SRGAP3: variants seen among roughly 807,000 people sequenced by gnomAD.
The protein encoded by SRGAP3 is SLIT-ROBO Rho GTPase activating protein 3, also known as SLIT-ROBO Rho GTPase-activating protein 3.
A neutral mutation model predicts 121.1 loss-of-function variants in SRGAP3; 39 were observed. The observed-to-expected ratio is 0.32, with a 90% CI of 0.25 to 0.42. The LOEUF (loss-of-function observed/expected upper bound fraction) is 0.42, where lower values mean the gene tolerates loss of function less well. SRGAP3 is among the 10% of genes least tolerant of loss of function. The probability of loss-of-function intolerance (pLI) is 1.00; values close to 1 mark genes in which losing one functional copy is unlikely to be tolerated. For synonymous variants in SRGAP3, 601 were observed against 570.0 expected, an observed-to-expected ratio of 1.05 and a Z score of -0.77; for missense variants, 1,213 against 1,470.6, an observed-to-expected ratio of 0.82 and a Z score of 2.86.
intron 2 of SRGAP3, among the ~76,000 whole-genome samples, chr3:9,112,277 C>T (rs754306343): frequency 2.0e-5 from 3 of 152,222 alleles, no homozygotes; most frequent in Non-Finnish European, 2.9e-5. Flanking sequence ...TCAGGCCTCA[C>T]ACTGGGCTTG....
intron 2 of SRGAP3, among the ~76,000 whole-genome samples, chr3:9,326,764 T>C (rs1955526954): frequency 2.0e-5 from 3 of 151,888 alleles, no homozygotes; most frequent in Non-Finnish European, 2.9e-5. Flanking sequence ...AGCTTGATTT[T>C]GAAAAATCTG....
At chr3:9,279,342 G>T (rs1559257077) in intron 3 of SRGAP3, among the ~76,000 whole-genome samples, 2 of 152,008 alleles carry the variant, frequency 1.3e-5, no homozygotes, top group Non-Finnish European at 2.9e-5. Flanking sequence ...GGGATAAACA[G>T]GTGTCCATGA....
rs534099067 is a variant in SRGAP3 at position 9,146,771 on chromosome 3, C to A, written c.68-21854G>T. On this transcript the variant is annotated intron_variant, in intron 1 of 21. Coordinates refer to ENST00000383836, the MANE Select transcript of SRGAP3 (RefSeq NM_014850.4). ...CCAGGTGCTAGAAGAGGAGCGGGAA[C>A]CCCACAAGGTACACCCTGCAGGGCG... Among the ~76,000 whole-genome samples the A allele has an allele frequency of 6.6e-5, 10 of 152,178 alleles. No homozygotes were observed. The South Asian group carries it at 2.1e-3, about 32-fold the overall frequency.
chr3:9,359,310 T>C (rs781781674), intron 1 of SRGAP3, among the ~76,000 whole-genome samples: 2 of 152,184 alleles, frequency 1.3e-5, no homozygotes, highest in Admixed American at 6.5e-5. Flanking sequence ...ACTATCTTTA[T>C]GTAGATAGGG....
At chr3:8,996,278 T>C (rs933777092) in intron 18 of SRGAP3, among the ~76,000 whole-genome samples, 2 of 99,350 alleles carry the variant, frequency 2.0e-5, no homozygotes, top group African/African-American at 4.5e-5. Context: ...GGGCCACGGA[T>C]GGCATGGAAA....
chr3:9,133,476 T>C (rs6778852), intron 1 of SRGAP3, among the ~76,000 whole-genome samples: 8,890 of 152,256 alleles, frequency 0.058, 864 homozygotes, highest in African/African-American at 0.2. Context: ...AGAGCAAGAC[T>C]CTATCTAAAA....
chr3:8,994,960 G>C (rs560965062), intron 18 of SRGAP3, among the ~76,000 whole-genome samples: 8 of 152,266 alleles, frequency 5.3e-5, no homozygotes, highest in African/African-American at 1.9e-4. Flanking sequence ...CATGTATGCA[G>C]ACTCTAATCT....
chr3:9,262,534 C>CAAAAAAAGAAAAAAAAAA (rs1954274739), intron 3 of SRGAP3, among the ~76,000 whole-genome samples: 1 of 25,582 alleles, frequency 3.9e-5, no homozygotes, highest in Non-Finnish European at 7.5e-5. Flanking sequence ...AAATGGAAAG[C>CAAAAAAAGAAAAAAAAAA]AAAAAAAAAA....
rs1416527949 is a variant in SRGAP3, at chr3:9,316,999, G to A, written n.442+9011C>T. 2.6e-5 allele frequency among the ~76,000 whole-genome samples: 4 copies of A among 152,280 alleles called. No individual in the cohort carries two copies. In the East Asian group the frequency reaches 7.7e-4, roughly 29 times the overall value. On this transcript the variant is annotated intron_variant and non_coding_transcript_variant, in intron 3 of 3. Transcript: ENST00000490889. ...AGAATTCAATTCTGTAGGCCACCGT[G>A]TACTTCTTCCTTTCTCCTGCCAAAT...
At chr3:9,253,160 C>A (rs1478160631), upstream of SRGAP3, among the ~76,000 whole-genome samples, 1 of 152,120 alleles carries the variant, frequency 6.6e-6, no homozygotes, top group Non-Finnish European at 1.5e-5. Context: ...AAGCAAGTTA[C>A]CCAAGATCAC....
chr3:9,220,341 A>T (rs13070230), intron 1 of SRGAP3, among the ~76,000 whole-genome samples: 1 of 143,976 alleles, frequency 6.9e-6, no homozygotes. Flanking sequence ...GCAATTTTTT[A>T]AAAAAGAATT....
At chr3:9,039,677 ACT>A (rs35788510) in intron 10 of SRGAP3, among the ~76,000 whole-genome samples, 25,005 of 151,752 alleles carry the variant, frequency 0.16, 2,247 homozygotes, top group Middle Eastern at 0.22. Flanking sequence ...ACCCTAATCT[ACT>A]CTCTGTCTCT....
chr3:9,288,455 CA>C (rs1436130471), intron 3 of SRGAP3, among the ~76,000 whole-genome samples: 4 of 151,614 alleles, frequency 2.6e-5, no homozygotes, highest in Non-Finnish European at 5.9e-5. Context: ...TTCTATCTTC[CA>C]GAGCTCTAGA....
At chr3:9,321,272 A>T (rs1955434459) in intron 3 of SRGAP3, among the ~76,000 whole-genome samples, 1 of 151,888 alleles carries the variant, frequency 6.6e-6, no homozygotes, top group Non-Finnish European at 1.5e-5. Flanking sequence ...GACCCCAGGC[A>T]TGGTGGAACA....
At chr3:9,185,279 A>C (rs1575204772) in intron 1 of SRGAP3, among the ~76,000 whole-genome samples, 1 of 152,148 alleles carries the variant, frequency 6.6e-6, no homozygotes, top group African/African-American at 2.4e-5. Flanking sequence ...GGCCTCTTCC[A>C]CACTGAGCCT....
chr3:9,339,985 A>G (rs951178866), intron 1 of SRGAP3, among the ~76,000 whole-genome samples: 1 of 152,184 alleles, frequency 6.6e-6, no homozygotes, highest in Non-Finnish European at 1.5e-5. Context: ...ATGGGTCATC[A>G]GCTTGCATTA....
intron 1 of SRGAP3, among the ~76,000 whole-genome samples, chr3:9,335,226 C>A (rs1187667861): frequency 6.6e-6 from 1 of 152,160 alleles, no homozygotes; most frequent in African/African-American, 2.4e-5. Flanking sequence ...GATAGCAGGG[C>A]CGCTAGTACT....
At chr3:9,052,552 C>T (rs187390431) in intron 9 of SRGAP3, among the ~76,000 whole-genome samples, 100 of 152,290 alleles carry the variant, frequency 6.6e-4, no homozygotes, top group Non-Finnish European at 1.1e-3. Context: ...CCTCCCAGTC[C>T]CTGTCCAAAT....
intron 1 of SRGAP3, among the ~76,000 whole-genome samples, chr3:9,148,855 A>G (rs1950113618): frequency 6.6e-6 from 1 of 152,210 alleles, no homozygotes; most frequent in South Asian, 2.1e-4. Flanking sequence ...AGTGGGCTGA[A>G]GAAAGAATGG....
Sources: allele counts gnomAD v4.1 joint callset (sites outside exome capture counted in the v4.1 genomes callset), GRCh38; gene constraint gnomAD v4.1.1; transcripts MANE v1.5; gene names NCBI Gene and HGNC (gene_info 2026-07-23, HGNC 2026-07-21).